Variants in SOHLH2 observed in about 807,000 individuals in gnomAD.
SOHLH2 encodes the protein spermatogenesis and oogenesis specific basic helix-loop-helix 2, also known as spermatogenesis- and oogenesis-specific basic helix-loop-helix-containing protein 2.
In SOHLH2, 22 loss-of-function variants were observed where a neutral mutation model predicts 50.4. The ratio of observed to expected loss-of-function variants is 0.44; its 90% confidence interval spans 0.31 to 0.62. The LOEUF (loss-of-function observed/expected upper bound fraction) is 0.62, where lower values mean the gene tolerates loss of function less well. Among genes scored for constraint, SOHLH2 ranks in the 20% least tolerant of loss-of-function variants. The pLI is 0.08. For missense variants in SOHLH2, 412 were observed against 504.4 expected (o/e 0.82, Z 1.76); for synonymous variants, 185 against 187.3 (o/e 0.99, Z 0.10).
At chr13:36,201,064 A>G (rs1203567927) in intron 2 of SOHLH2, among the ~76,000 whole-genome samples, 1 of 150,808 alleles carries the variant, frequency 6.6e-6, no homozygotes, top group South Asian at 2.1e-4. Context: ...AAAAAAAAAA[A>G]AAAAAAAGAA....
At chr13:36,174,595 A>G in intron 7 of SOHLH2, 28 bp from the exon 8 acceptor site, 1 of 1,611,856 alleles carries the variant, frequency 6.2e-7, no homozygotes, top group Non-Finnish European at 8.5e-7. Context: ...ATATTTAGGT[A>G]GATACCGACA....
At chr13:36,184,110 A>G (rs1026449818) in intron 6 of SOHLH2, among the ~76,000 whole-genome samples, 1 of 152,218 alleles carries the variant, frequency 6.6e-6, no homozygotes. Flanking sequence ...GCTTTGGGCC[A>G]TAAAACAAGT....
intron 4 of SOHLH2, among the ~76,000 whole-genome samples, chr13:36,193,358 T>C (rs1476444620): frequency 1.3e-5 from 2 of 152,188 alleles, no homozygotes; most frequent in Non-Finnish European, 2.9e-5. Context: ...GAAATTATGG[T>C]AGCTAGGCTA....
Position 36,185,804 on chromosome 13 carries a change from G to GA in SOHLH2, c.641+4141dup, listed in dbSNP as rs547995309. 3.3e-5 allele frequency among the ~76,000 whole-genome samples: 5 copies of GA among 151,952 alleles called. No homozygotes were observed. The South Asian group carries it at 6.2e-4, about 19-fold the overall frequency. ...GACATAAATTAACCAAACTGACACA[G>GA]AAAAAAACAGCCAAAAGGAAAAAAT... On this transcript the variant is annotated intron_variant, in intron 6 of 10. Transcript: ENST00000379881.
intron 6 of SOHLH2, among the ~76,000 whole-genome samples, chr13:36,180,703 T>C (rs974211817): frequency 2.0e-5 from 3 of 151,936 alleles, no homozygotes; most frequent in African/African-American, 7.2e-5. Flanking sequence ...CTCTTACTGA[T>C]TTCTAATTTA....
chr13:36,203,948 T>G (rs1355804552), intron 1 of SOHLH2, among the ~76,000 whole-genome samples: 2 of 123,210 alleles, frequency 1.6e-5, no homozygotes, highest in Non-Finnish European at 3.2e-5. Context: ...TTAATTCTTT[T>G]TTTTTGTTTT....
chr13:36,210,968 G>A lies in SOHLH2; in HGVS notation c.48+3511C>T, dbSNP rs1040063084. ...CTAAGCCTTTGTGATGCCTGTGAGC[G>A]CAGATTGTTTGCGAATCTCCACCAT... On this transcript the variant is annotated intron_variant, in intron 1 of 10. Transcript: ENST00000379881. Among the ~76,000 whole-genome samples, 72 of 152,248 alleles carry A rather than the reference G, an allele frequency of 4.7e-4. 2 individuals carry two copies. Among genetic ancestry groups the A allele is most frequent in the Admixed American group, 4.5e-3 (69 of 15,288 alleles).
intron 1 of SOHLH2, among the ~76,000 whole-genome samples, chr13:36,204,316 G>A (rs958561606): frequency 1.3e-5 from 2 of 152,086 alleles, no homozygotes; most frequent in Non-Finnish European, 2.9e-5. Flanking sequence ...CAAATCTACT[G>A]TTTCCTTTAT....
At chr13:36,198,433 T>C (rs1887800997) in intron 2 of SOHLH2, among the ~76,000 whole-genome samples, 1 of 152,228 alleles carries the variant, frequency 6.6e-6, no homozygotes, top group Non-Finnish European at 1.5e-5. Flanking sequence ...CCTGGAATTC[T>C]GGAGCTAAGC....
At chr13:36,189,298 A>G (rs137915377) in intron 6 of SOHLH2, among the ~76,000 whole-genome samples, 16 of 152,230 alleles carry the variant, frequency 1.1e-4, no homozygotes, top group African/African-American at 3.9e-4. Flanking sequence ...TCCTTTAGCA[A>G]CTGCCCAACA....
intron 6 of SOHLH2, 33 bp downstream of exon 6, chr13:36,189,913 A>T (rs1887527011): frequency 6.5e-7 from 1 of 1,539,774 alleles, no homozygotes. Flanking sequence ...CTACAAAAGA[A>T]TAATGCTTAA....
At chr13:36,200,301 T>C (rs1044467235) in intron 2 of SOHLH2, among the ~76,000 whole-genome samples, 6 of 152,206 alleles carry the variant, frequency 3.9e-5, no homozygotes, top group Admixed American at 3.9e-4. Context: ...CAACAGGTTT[T>C]AGAAGTGGAA....
At chr13:36,204,102 C>A (rs980711028) in intron 1 of SOHLH2, among the ~76,000 whole-genome samples, 1 of 151,788 alleles carries the variant, frequency 6.6e-6, no homozygotes, top group Non-Finnish European at 1.5e-5. Flanking sequence ...AGGTGCCCAC[C>A]ACCATGCCTG....
At chr13:36,202,240 A>G (rs1868466521) in intron 1 of SOHLH2, 147 bp from the exon 2 acceptor site, 1 of 970,094 alleles carries the variant, frequency 1.0e-6, no homozygotes, top group Admixed American at 2.6e-5. Flanking sequence ...GGTCAACTAT[A>G]AGCAGCTCAA....
intron 9 of SOHLH2, among the ~76,000 whole-genome samples, chr13:36,171,681 A>C (rs964049669): frequency 6.6e-6 from 1 of 152,158 alleles, no homozygotes; most frequent in Non-Finnish European, 1.5e-5. Flanking sequence ...AATACAGAAA[A>C]CTTCATATAT....
chr13:36,211,739 G>A (rs1489338609), intron 1 of SOHLH2, among the ~76,000 whole-genome samples: 1 of 152,224 alleles, frequency 6.6e-6, no homozygotes, highest in Non-Finnish European at 1.5e-5. Flanking sequence ...AATGTTATGA[G>A]AAGTGTTTGT....
chr13:36,173,899 T>C, intron 8 of SOHLH2, 89 bp from the exon 9 acceptor site: 1 of 1,444,060 alleles, frequency 6.9e-7, no homozygotes, highest in Non-Finnish European at 9.5e-7. Context: ...ATCATTCAAG[T>C]TCTAAAAACA....
At position 36,209,327 on chromosome 13, in the gene SOHLH2, GT is replaced by G. The variant is rs921874132; in HGVS notation, c.48+5151del. On this transcript the variant is annotated intron_variant, in intron 1 of 10. Transcript: ENST00000379881. ...ACAGATACAAATTCAAATTTTAGAA[GT>G]TTTTTTTTTTTCTATTCCCTTATGT... is the stretch of plus-strand genomic sequence containing the variant. Among the ~76,000 whole-genome samples, 221 of 146,216 alleles carry G rather than the reference GT, an allele frequency of 1.5e-3. 1 individual carries two copies. The South Asian group carries it at 0.019, about 13-fold the overall frequency.
chr13:36,174,004 T>G (rs1353102534), intron 8 of SOHLH2, among the ~76,000 whole-genome samples, 194 bp from the exon 9 acceptor site: 9 of 152,242 alleles, frequency 5.9e-5, no homozygotes, highest in African/African-American at 2.2e-4. Flanking sequence ...GTGCTTTTTC[T>G]CCAGTTTCTC....
Sources: gnomAD v4.1 joint callset for allele counts (sites outside exome capture counted in the v4.1 genomes callset) on GRCh38, gnomAD v4.1.1 for gene constraint, MANE v1.5 for transcripts, NCBI Gene and HGNC (gene_info 2026-07-23, HGNC 2026-07-21) for gene names.